SLC24A2: variants seen among roughly 807,000 people sequenced by gnomAD.
SLC24A2 encodes solute carrier family 24 member 2.
In SLC24A2, 36 loss-of-function variants were observed where a neutral mutation model predicts 62.0. The observed-to-expected ratio is 0.58, with a 90% CI of 0.44 to 0.77. The LOEUF is 0.77. Among genes scored for constraint, SLC24A2 ranks in the 30% least tolerant of loss-of-function variants. The pLI is 0.00. For missense variants in SLC24A2, 846 were observed against 817.9 expected (o/e 1.03, Z -0.42); for synonymous variants, 358 against 294.0 (o/e 1.22, Z -2.23).
chr9:20,270,968 C>T, the SLC24A2 span, among the ~76,000 whole-genome samples: 1 of 152,102 alleles, frequency 6.6e-6, no homozygotes, highest in Non-Finnish European at 1.5e-5. Flanking sequence ...TATCTCCCTC[C>T]TTTTTAAAAG....
chr9:19,944,555 G>A, the SLC24A2 span, among the ~76,000 whole-genome samples: 1 of 152,022 alleles, frequency 6.6e-6, no homozygotes, highest in Non-Finnish European at 1.5e-5. Context: ...AGAAATTTTA[G>A]TTAATAATAG....
chr9:19,578,968 G>A (rs1230090401), intron 5 of SLC24A2, among the ~76,000 whole-genome samples: 2 of 152,202 alleles, frequency 1.3e-5, no homozygotes, highest in African/African-American at 2.4e-5. Context: ...AAAGAAGTAG[G>A]AAAGGAAATA....
At chr9:19,537,086 T>C (rs1834015666) in intron 8 of SLC24A2, among the ~76,000 whole-genome samples, 1 of 151,574 alleles carries the variant, frequency 6.6e-6, no homozygotes, top group Non-Finnish European at 1.5e-5. Flanking sequence ...GAGTTCACTG[T>C]AGATTCTGGA....
the SLC24A2 span, among the ~76,000 whole-genome samples, chr9:20,274,958 C>T: frequency 6.6e-6 from 1 of 152,114 alleles, no homozygotes; most frequent in Non-Finnish European, 1.5e-5. Context: ...TGATGCATGA[C>T]TTTCTCCCTC....
chr9:19,646,269 C>T (rs1271146040), intron 2 of SLC24A2, among the ~76,000 whole-genome samples: 1 of 152,162 alleles, frequency 6.6e-6, no homozygotes, highest in African/African-American at 2.4e-5. Flanking sequence ...CAGTTTCTTG[C>T]TTGTTTGTAG....
chr9:19,790,158 A>G (rs10964287), upstream of SLC24A2, among the ~76,000 whole-genome samples: 66 of 152,178 alleles, frequency 4.3e-4, 1 homozygote, highest in East Asian at 6.2e-3. Flanking sequence ...CTTGTCTTGA[A>G]TTCCTGGGCT....
intron 2 of SLC24A2, among the ~76,000 whole-genome samples, chr9:19,645,469 T>C (rs57724210): frequency 0.052 from 7,885 of 152,288 alleles, 226 homozygotes; most frequent in Middle Eastern, 0.12. Flanking sequence ...TCATATGTTG[T>C]AGTAAATTCT....
chr9:20,165,397 C>A, the SLC24A2 span, among the ~76,000 whole-genome samples: 11 of 151,734 alleles, frequency 7.2e-5, no homozygotes, highest in African/African-American at 2.7e-4. Flanking sequence ...ATGAGCCCTA[C>A]CAAATATTTA....
Position 19,516,166 on chromosome 9 carries a change from G to A in SLC24A2, c.1973C>T (p.Pro658Leu). The change falls in exon 11 of 11, where the codon CCC becomes CTC. Residue 658 changes from proline to leucine, a missense_variant. Pro to Leu is a moderately conservative substitution (Grantham distance 98). Transcript: ENST00000341998. Reference protein sequence around the residue: ...VLLEDRILTCPVSI With the variant: ...VLLEDRILTCLVSI ...TGGCTTTTCCTGCTAGATGGAGACG[G>A]GGCATGTAAGAATTCTGTCTTCTAG... The A allele has an allele frequency of 6.2e-7, 1 of 1,614,124 alleles. No homozygotes were observed. The highest frequency in any genetic ancestry group is 1.1e-5 in the South Asian group (1 of 91,068).
the SLC24A2 span, among the ~76,000 whole-genome samples, chr9:20,138,443 T>G: frequency 2.0e-5 from 3 of 152,196 alleles, no homozygotes; most frequent in African/African-American, 7.2e-5. Flanking sequence ...TAAATCAAAT[T>G]TCAATACAGG....
the SLC24A2 span, among the ~76,000 whole-genome samples, chr9:19,930,655 G>A: frequency 4.6e-5 from 7 of 152,292 alleles, 1 homozygote; most frequent in African/African-American, 1.7e-4. Context: ...GGAGGGGGCT[G>A]CACATACAGA....
chr9:20,154,986 TA>T, the SLC24A2 span, among the ~76,000 whole-genome samples: 5 of 151,658 alleles, frequency 3.3e-5, no homozygotes, highest in African/African-American at 1.2e-4. Flanking sequence ...AGATTTCCTG[TA>T]AGTTCCTTCA....
chr9:19,549,888 C>A (rs1418067238), intron 8 of SLC24A2, among the ~76,000 whole-genome samples: 1 of 152,180 alleles, frequency 6.6e-6, no homozygotes, highest in African/African-American at 2.4e-5. Context: ...GATTTGATAA[C>A]CTGAACAATC....
chr9:19,783,328 A>G (rs955634335), intron 2 of SLC24A2, among the ~76,000 whole-genome samples: 6 of 152,200 alleles, frequency 3.9e-5, no homozygotes, highest in African/African-American at 1.4e-4. Flanking sequence ...CAATGAAGTG[A>G]CTTTGCATGA....
intron 8 of SLC24A2, among the ~76,000 whole-genome samples, chr9:19,536,966 T>C (rs1472586595): frequency 6.0e-5 from 8 of 132,994 alleles, no homozygotes; most frequent in Admixed American, 3.9e-4. Flanking sequence ...TGATGAGCAT[T>C]TTTTCATGTG....
chr9:19,636,315 T>TTTTCTTTTCTTTTCTTTCCTTC, intron 2 of SLC24A2, among the ~76,000 whole-genome samples: 4 of 40,328 alleles, frequency 9.9e-5, no homozygotes, highest in Non-Finnish European at 1.4e-4. Flanking sequence ...TTTTCTTTTC[T>TTTTCTTTTCTTTTCTTTCCTTC]TTTCTTTCTT....
chr9:19,553,193 G>C (rs1464425266), intron 7 of SLC24A2, among the ~76,000 whole-genome samples: 2 of 152,180 alleles, frequency 1.3e-5, no homozygotes, highest in Non-Finnish European at 2.9e-5. Flanking sequence ...TTGCAAGCTG[G>C]TTAGAGAAGT....
At chr9:19,688,652 A>C (rs924851491) in intron 2 of SLC24A2, among the ~76,000 whole-genome samples, 2 of 152,154 alleles carry the variant, frequency 1.3e-5, no homozygotes, top group Non-Finnish European at 2.9e-5. Flanking sequence ...GACGCAAAGC[A>C]GAATGTGTTG....
chr9:19,598,650 C>A (rs1357460219), intron 4 of SLC24A2, among the ~76,000 whole-genome samples: 1 of 151,134 alleles, frequency 6.6e-6, no homozygotes, highest in Non-Finnish European at 1.5e-5. Flanking sequence ...GGATTGCCAT[C>A]AGTGAAAAAA....
Sources: gnomAD v4.1 joint callset for allele counts (sites outside exome capture counted in the v4.1 genomes callset) on GRCh38, gnomAD v4.1.1 for gene constraint, MANE v1.5 for transcripts, NCBI Gene and HGNC (gene_info 2026-07-23, HGNC 2026-07-21) for gene names.